HHIP: variants seen among roughly 807,000 people sequenced by gnomAD.
HHIP encodes hedgehog interacting protein.
In HHIP, 12 loss-of-function variants were observed where a neutral mutation model predicts 74.0. That is an observed-to-expected ratio of 0.16 (90% CI 0.10 to 0.26). The LOEUF (loss-of-function observed/expected upper bound fraction) is 0.26, where lower values mean the gene tolerates loss of function less well. Among genes scored for constraint, HHIP ranks in the 10% least tolerant of loss-of-function variants. The probability of loss-of-function intolerance (pLI) is 1.00; values close to 1 mark genes in which losing one functional copy is unlikely to be tolerated. For synonymous variants in HHIP, 309 were observed against 311.6 expected (o/e 0.99, Z 0.09); for missense variants, 788 against 845.0 (o/e 0.93, Z 0.84).
Position 144,740,134 on chromosome 4 carries a change from A to G in HHIP, c.*2177A>G, listed in dbSNP as rs1325713760. On this transcript the variant is annotated 3_prime_UTR_variant, in exon 13 of 13. Transcript: ENST00000296575. ...GTCAAATCGTGCAGTTTTATTACAC[A>G]TTCTCCAATTCTTCCTAGTTTCCCT... 6.6e-6 allele frequency: 1 copy of G among 152,188 alleles called. No homozygotes were observed. Among genetic ancestry groups the G allele is most frequent in the Non-Finnish European group, 1.5e-5 (1 of 68,036 alleles). The allele number at this position is 152,188 out of a possible 1,614,324, so 9.4% of individuals were successfully genotyped here.
intron 4 of HHIP, among the ~76,000 whole-genome samples, chr4:144,699,132 G>T (rs1343675530): frequency 6.6e-6 from 1 of 152,122 alleles, no homozygotes; most frequent in Non-Finnish European, 1.5e-5. Context: ...AGCCCCATAA[G>T]ACTGCTCCTA....
chr4:144,688,211 C>G (rs1172281826), intron 4 of HHIP, among the ~76,000 whole-genome samples: 1 of 152,052 alleles, frequency 6.6e-6, no homozygotes, highest in Non-Finnish European at 1.5e-5. Context: ...ATGTTCCCAC[C>G]CAAGTCAGCC....
intron 4 of HHIP, among the ~76,000 whole-genome samples, chr4:144,669,469 T>A (rs1489631273): frequency 6.6e-6 from 1 of 152,220 alleles, no homozygotes; most frequent in East Asian, 1.9e-4. Flanking sequence ...TCTGTACATG[T>A]CATATACACC....
chr4:144,714,102 C>A (rs1730376631), intron 8 of HHIP, 123 bp from the exon 9 acceptor site: 4 of 785,016 alleles, frequency 5.1e-6, no homozygotes, highest in Admixed American at 2.4e-5. Flanking sequence ...TAGCAAGAAA[C>A]CCTTTGGTGT....
intron 4 of HHIP, among the ~76,000 whole-genome samples, chr4:144,705,020 T>G (rs989252901): frequency 6.6e-6 from 1 of 152,240 alleles, no homozygotes; most frequent in Admixed American, 6.5e-5. Flanking sequence ...ATGATTAAAA[T>G]TAAAATTATG....
intron 1 of HHIP, among the ~76,000 whole-genome samples, chr4:144,651,842 T>C (rs527512621): frequency 9.9e-5 from 15 of 152,138 alleles, no homozygotes; most frequent in Middle Eastern, 6.8e-3. Flanking sequence ...ATTGTAAAAA[T>C]TGTGATGAAG....
At chr4:144,651,833 T>C (rs1728435965) in intron 1 of HHIP, among the ~76,000 whole-genome samples, 2 of 152,068 alleles carry the variant, frequency 1.3e-5, no homozygotes, top group Non-Finnish European at 2.9e-5. Context: ...AGACATGTCA[T>C]TGTAAAAATT....
intron 1 of HHIP, chr4:144,650,853 C>T (rs1430756437): frequency 6.6e-6 from 1 of 152,072 alleles, no homozygotes; most frequent in Non-Finnish European, 1.5e-5. Flanking sequence ...TCCTTAGGCA[C>T]TAAAATCAAG....
chr4:144,690,833 C>CA (rs1289442558), intron 4 of HHIP, among the ~76,000 whole-genome samples: 3 of 151,952 alleles, frequency 2.0e-5, no homozygotes, highest in Non-Finnish European at 4.4e-5. Flanking sequence ...CCAACAGAAA[C>CA]AAAAAACTCT....
chr4:144,657,250 G>A (rs566250481), intron 2 of HHIP, among the ~76,000 whole-genome samples: 97 of 152,296 alleles, frequency 6.4e-4, no homozygotes, highest in South Asian at 1.2e-3. Flanking sequence ...CAAGCACACA[G>A]AAAGTAAACT....
chr4:144,687,751 C>CTTTTTT (rs5862719), intron 4 of HHIP, among the ~76,000 whole-genome samples: 9 of 73,440 alleles, frequency 1.2e-4, no homozygotes, highest in African/African-American at 3.2e-4. Flanking sequence ...CTTTTGGCAA[C>CTTTTTT]TTTTTTTTTT....
intron 4 of HHIP, among the ~76,000 whole-genome samples, chr4:144,662,686 A>C (rs1728747789): frequency 1.3e-5 from 2 of 151,730 alleles, no homozygotes; most frequent in Non-Finnish European, 2.9e-5. Flanking sequence ...TAAAACTTTC[A>C]TTGTGTGTGT....
At position 144,707,107 on chromosome 4, in the gene HHIP, A is replaced by G. The variant is rs762092698; in HGVS notation, c.1004A>G (p.Asp335Gly). 1.9e-6 allele frequency: 3 copies of G among 1,614,096 alleles called. No individual in the cohort carries two copies. Among genetic ancestry groups the G allele is most frequent in the Non-Finnish European group, 2.5e-6 (3 of 1,179,984 alleles). Residue 335 changes from aspartate to glycine, a missense_variant, in exon 6 of 13, where the codon GAT (aspartate) becomes GGT (glycine). Asp to Gly is a moderately conservative substitution (Grantham distance 94). Around this residue, in one of 3 missense-constraint regions of HHIP, gnomAD observed 72 missense variants for 130.6 expected, o/e 0.55. Transcript: ENST00000296575. ...TGTAGAAAAAATCCACACCAAGTTGATTTGAGAACAGCCAGAGTCTTTCTT... is the reference window on the plus strand; with the variant it reads ...TGTAGAAAAAATCCACACCAAGTTGGTTTGAGAACAGCCAGAGTCTTTCTT... ...TVSRKNPHQV[D>G]LRTARVFLEV...
intron 4 of HHIP, among the ~76,000 whole-genome samples, chr4:144,672,232 G>A (rs1041489582): frequency 6.6e-6 from 1 of 152,128 alleles, no homozygotes; most frequent in South Asian, 2.1e-4. Flanking sequence ...CCAGTGCAGA[G>A]TTTGGGTGGG....
At chr4:144,668,961 A>C (rs548954539) in intron 4 of HHIP, among the ~76,000 whole-genome samples, 8 of 151,894 alleles carry the variant, frequency 5.3e-5, no homozygotes, top group African/African-American at 1.7e-4. Context: ...AAGGCTTTTA[A>C]CAGACTTCTT....
At chr4:144,684,237 T>A (rs1433888070) in intron 4 of HHIP, among the ~76,000 whole-genome samples, 1 of 8,002 alleles carries the variant, frequency 1.2e-4, no homozygotes, top group Non-Finnish European at 2.4e-4. Context: ...AAAGAATTTT[T>A]TTTTTTTTTT....
At chr4:144,717,083 T>C (rs1238901494) in intron 10 of HHIP, among the ~76,000 whole-genome samples, 2 of 152,020 alleles carry the variant, frequency 1.3e-5, no homozygotes, top group Non-Finnish European at 2.9e-5. Flanking sequence ...AATAAAGATA[T>C]ATAATCCTGA....
At chr4:144,689,702 T>C (rs1245270210) in intron 4 of HHIP, among the ~76,000 whole-genome samples, 7 of 152,250 alleles carry the variant, frequency 4.6e-5, no homozygotes, top group Admixed American at 4.6e-4. Context: ...TTATACATTT[T>C]AGCAAGATGC....
Position 144,664,229 on chromosome 4 carries a change from G to A in HHIP, c.831+4391G>A, listed in dbSNP as rs572205594. On this transcript the variant is annotated intron_variant, in intron 4 of 12. Coordinates refer to ENST00000296575, the MANE Select transcript of HHIP (RefSeq NM_022475.3). Reference sequence around the variant, plus strand: ...CCAGGGGAGGAGAGGACGTGAGGCTGAAAGCTGCTAATTGTCCGGGTGACT... The same window carrying A: ...CCAGGGGAGGAGAGGACGTGAGGCTAAAAGCTGCTAATTGTCCGGGTGACT... Among the ~76,000 whole-genome samples, 11 of 152,328 alleles carry A rather than the reference G, an allele frequency of 7.2e-5. No homozygotes were observed. The South Asian group carries it at 2.3e-3, about 32-fold the overall frequency.
Sources: gnomAD v4.1 joint callset for allele counts (sites outside exome capture counted in the v4.1 genomes callset) on GRCh38, gnomAD v4.1.1 for gene constraint, gnomAD v4.1.1 regional missense constraint, MANE v1.5 for transcripts, NCBI Gene and HGNC (gene_info 2026-07-23, HGNC 2026-07-21) for gene names.